Variants in SLC16A7 observed in about 807,000 individuals in gnomAD.
SLC16A7 encodes the protein monocarboxylate transporter 2.
SLC16A7 carries 33 observed loss-of-function variants against 34.9 expected under a neutral mutation model. That is an observed-to-expected ratio of 0.94 (90% CI 0.72 to 1.26). SLC16A7 has a LOEUF of 1.26. Ranked by LOEUF, SLC16A7 falls within the 50% of genes most tolerant of loss-of-function variation. The probability of loss-of-function intolerance (pLI) is 0.00; values close to 1 mark genes in which losing one functional copy is unlikely to be tolerated. For synonymous variants in SLC16A7, 201 were observed against 206.6 expected (o/e 0.97, Z 0.23); for missense variants, 573 against 578.1 (o/e 0.99, Z 0.09).
chr12:59,618,124 T>C (rs1481767586), intron 1 of SLC16A7, among the ~76,000 whole-genome samples: 1 of 151,956 alleles, frequency 6.6e-6, no homozygotes, highest in African/African-American at 2.4e-5. Flanking sequence ...CTGATATCTT[T>C]ATCCCAAATT....
At chr12:59,622,934 CTTTTTTGTTTTTGTTT>C (rs1266830637) in intron 1 of SLC16A7, among the ~76,000 whole-genome samples, 1 of 150,998 alleles carries the variant, frequency 6.6e-6, no homozygotes, top group Non-Finnish European at 1.5e-5. Flanking sequence ...ATCTGGTGTT[CTTTTTTGTTTTTGTTT>C]TTTCTGCATG....
At chr12:59,766,112 C>G (rs577404988) in intron 3 of SLC16A7, among the ~76,000 whole-genome samples, 2 of 152,276 alleles carry the variant, frequency 1.3e-5, no homozygotes, top group African/African-American at 2.4e-5. Flanking sequence ...AATGGAAGTT[C>G]ACTCATGATT....
intron 3 of SLC16A7, among the ~76,000 whole-genome samples, chr12:59,706,384 GTT>G (rs10680706): frequency 1.3e-5 from 2 of 151,714 alleles, no homozygotes; most frequent in East Asian, 1.9e-4. Flanking sequence ...GTGTGTGTGT[GTT>G]TATGTGTGTT....
chr12:59,636,794 T>A (rs975471051), intron 1 of SLC16A7, among the ~76,000 whole-genome samples: 1 of 152,140 alleles, frequency 6.6e-6, no homozygotes, highest in Non-Finnish European at 1.5e-5. Context: ...GTTATACTAG[T>A]TTTATGTAGT....
At chr12:59,609,257 A>T (rs1189528216) in intron 1 of SLC16A7, among the ~76,000 whole-genome samples, 1 of 152,230 alleles carries the variant, frequency 6.6e-6, no homozygotes, top group Non-Finnish European at 1.5e-5. Flanking sequence ...CTTGAAGAAC[A>T]TACAGTGTCC....
intron 3 of SLC16A7, chr12:59,768,027 G>A (rs778955254): frequency 2.7e-5 from 10 of 372,986 alleles, no homozygotes; most frequent in Non-Finnish European, 4.8e-5. Context: ...CACCAACATG[G>A]CCCATGTATA....
intron 2 of SLC16A7, among the ~76,000 whole-genome samples, chr12:59,659,225 C>T (rs1049442522): frequency 2.6e-5 from 4 of 152,060 alleles, no homozygotes; most frequent in Non-Finnish European, 5.9e-5. Flanking sequence ...CACACACACA[C>T]ATATAGCCTC....
At chr12:59,687,832 G>A (rs1871275852) in intron 2 of SLC16A7, among the ~76,000 whole-genome samples, 3 of 152,064 alleles carry the variant, frequency 2.0e-5, no homozygotes, top group Admixed American at 2.0e-4. Flanking sequence ...CTTGGACATG[G>A]CCTACACTGC....
intron 3 of SLC16A7, among the ~76,000 whole-genome samples, chr12:59,765,840 T>C (rs1472705381): frequency 6.6e-6 from 1 of 152,190 alleles, no homozygotes; most frequent in Non-Finnish European, 1.5e-5. Flanking sequence ...CCATATGAAC[T>C]TTAAAGTAGT....
intron 1 of SLC16A7, among the ~76,000 whole-genome samples, chr12:59,629,737 G>A (rs1300435598): frequency 6.6e-6 from 1 of 151,114 alleles, no homozygotes; most frequent in African/African-American, 2.4e-5. Context: ...TCCCAATTTA[G>A]TATACTTTTT....
At chr12:59,727,349 A>T (rs1004881223) in intron 3 of SLC16A7, among the ~76,000 whole-genome samples, 3 of 152,032 alleles carry the variant, frequency 2.0e-5, no homozygotes, top group African/African-American at 7.3e-5. Flanking sequence ...AAAATCTCAG[A>T]TACTGTGGAA....
At chr12:59,670,142 C>A (rs34047888) in intron 2 of SLC16A7, among the ~76,000 whole-genome samples, 36,993 of 152,022 alleles carry the variant, frequency 0.24, 4,846 homozygotes, top group African/African-American at 0.34. Context: ...CCAGGCTTTT[C>A]TTGATTGTGG....
At chr12:59,684,410 T>C (rs1186703804) in intron 2 of SLC16A7, among the ~76,000 whole-genome samples, 1 of 152,224 alleles carries the variant, frequency 6.6e-6, no homozygotes, top group African/African-American at 2.4e-5. Flanking sequence ...CTTCCTGCTG[T>C]TCCCAGGTTT....
intron 2 of SLC16A7, among the ~76,000 whole-genome samples, chr12:59,700,499 ATTAT>A (rs1284849620): frequency 1.3e-5 from 2 of 149,096 alleles, no homozygotes; most frequent in African/African-American, 2.4e-5. Context: ...GTATTAAATA[ATTAT>A]TTAATTATTA....
At chr12:59,610,572 A>G (rs1879148232) in intron 1 of SLC16A7, among the ~76,000 whole-genome samples, 1 of 152,222 alleles carries the variant, frequency 6.6e-6, no homozygotes, top group African/African-American at 2.4e-5. Flanking sequence ...AAAAACCTTA[A>G]TAATTTGTTC....
At chr12:59,757,780 A>G (rs1880558539) in intron 3 of SLC16A7, among the ~76,000 whole-genome samples, 1 of 152,008 alleles carries the variant, frequency 6.6e-6, no homozygotes, top group African/African-American at 2.4e-5. Context: ...GATAATGAGG[A>G]TTAAGACCTT....
Position 59,704,894 on chromosome 12 carries a change from A to G in SLC16A7, c.93A>G (p.Gly31=). The G allele has an allele frequency of 2.5e-6, 4 of 1,613,744 alleles. No individual in the cohort carries two copies. The highest frequency in any genetic ancestry group is 2.5e-6 in the Non-Finnish European group (3 of 1,179,776). The change falls in exon 3 of 6, where the codon GGA becomes GGG. Residue 31 remains glycine, a synonymous_variant. Transcript: ENST00000547379. ...TTGGAGCAGCTTTTATCTCCATTGG[A>G]TTTTCCTATGCATTCCCCAAAGCTG... ...IVVGAAFISI[G]FSYAFPKAVT... is the part of the protein sequence containing the mutation.
rs554216762 is a variant in SLC16A7 at position 59,601,305 on chromosome 12, A to T, written c.-130+5069A>T. Among the ~76,000 whole-genome samples the T allele has an allele frequency of 1.3e-3, 202 of 152,368 alleles. 2 individuals carry two copies. The highest frequency in any genetic ancestry group is 4.3e-3 in the African/African-American group (178 of 41,588). The stretch of plus-strand genomic sequence containing the variant: ...AAAGCAGCTGCCCTACTAAGTAATT[A>T]ACTTGAATATCTATATCTTTTTTAA... On this transcript the variant is annotated intron_variant, in intron 1 of 5. Transcript: ENST00000547379.
intron 2 of SLC16A7, among the ~76,000 whole-genome samples, chr12:59,682,865 G>A (rs1003443370): frequency 6.6e-6 from 1 of 152,070 alleles, no homozygotes; most frequent in Non-Finnish European, 1.5e-5. Flanking sequence ...TCGAGAGTTC[G>A]AGACCAGCCT....
Sources: allele counts gnomAD v4.1 joint callset (sites outside exome capture counted in the v4.1 genomes callset), GRCh38; gene constraint gnomAD v4.1.1; transcripts MANE v1.5; gene names NCBI Gene and HGNC (gene_info 2026-07-23, HGNC 2026-07-21).